The following CLP1 variants were observed in gnomAD, a reference collection of about 807,000 sequenced individuals.
CLP1 encodes the protein polyribonucleotide 5'-hydroxyl-kinase Clp1.
CLP1 carries 18 observed loss-of-function variants against 29.9 expected under a neutral mutation model. The observed-to-expected ratio is 0.60, with a 90% confidence interval of 0.42 to 0.89. CLP1 has a LOEUF of 0.89. Ranked by LOEUF, CLP1 falls within the 40% of genes least tolerant of loss-of-function variation. The pLI is 0.00. For synonymous variants in CLP1, 162 were observed against 206.2 expected (o/e 0.79, Z 1.84); for missense variants, 357 against 544.8 (o/e 0.66, Z 3.43).
rs762571682 is a variant in CLP1, at chr11:57,661,250, C to T, written c.1092C>T (p.His364=). The change falls in exon 3 of 3, where the codon CAC becomes CAT. Residue 364 remains histidine (H), a synonymous_variant. Coordinates refer to ENST00000533682, the MANE Select transcript of CLP1 (RefSeq NM_006831.3). The part of the protein sequence containing the change: ...PVTPGRDMVH[H]LLSVSTAEGT... Reference sequence around the variant, plus strand: ...CTCCTGGGCGAGATATGGTGCACCACCTACTGAGTGTTAGCACTGCCGAGG... The same window carrying T: ...CTCCTGGGCGAGATATGGTGCACCATCTACTGAGTGTTAGCACTGCCGAGG... 1 of 1,614,226 alleles carries T rather than the reference C, an allele frequency of 6.2e-7. No individual in the cohort carries two copies. Among genetic ancestry groups the T allele is most frequent in the Non-Finnish European group, 8.5e-7 (1 of 1,180,040 alleles).
In CLP1 at chr11:57,661,092, T is replaced by C. The variant is rs1565184966; in HGVS notation, c.934T>C (p.Phe312Leu). ...REYFYGFRGC[F>L]YPHAFNVKFS... ...GTATTTTTATGGATTCCGAGGCTGTTTCTATCCCCATGCCTTCAATGTCAA... is the reference window on the plus strand; with the variant it reads ...GTATTTTTATGGATTCCGAGGCTGTCTCTATCCCCATGCCTTCAATGTCAA... The change falls in exon 3 of 3, where the codon TTC becomes CTC. Residue 312 changes from phenylalanine to leucine, a missense_variant. Phe to Leu is a conservative substitution (Grantham distance 22). Transcript: ENST00000533682. 6.2e-7 allele frequency: 1 copy of C among 1,614,248 alleles called. No homozygotes were observed. Among genetic ancestry groups the C allele is most frequent in the Non-Finnish European group, 8.5e-7 (1 of 1,180,046 alleles).
At chr11:57,658,944 T>A (rs1404154764) in intron 1 of CLP1, among the ~76,000 whole-genome samples, 4 of 151,462 alleles carry the variant, frequency 2.6e-5, no homozygotes, top group African/African-American at 9.7e-5. Flanking sequence ...CTGGCCAATA[T>A]TTGCATTTTT....
In CLP1 at chr11:57,661,325, G is replaced by A; in HGVS notation, c.1167G>A (p.Val389=). Residue 389 remains valine, a synonymous_variant, in exon 3 of 3, where the codon GTG becomes GTA. Transcript: ENST00000533682. ...CAAGTGTAGCTGGCTTCATTGTGGTGACCAGTGTGGACCTGGAGCATCAGG... is the reference window on the plus strand; with the variant it reads ...CAAGTGTAGCTGGCTTCATTGTGGTAACCAGTGTGGACCTGGAGCATCAGG... ...SETSVAGFIV[V]TSVDLEHQVF... is the part of the protein sequence containing the mutation. 6.2e-7 allele frequency: 1 copy of A among 1,614,156 alleles called. No individual in the cohort carries two copies. Among genetic ancestry groups the A allele is most frequent in the Non-Finnish European group, 8.5e-7 (1 of 1,180,014 alleles).
Position 57,659,864 on chromosome 11 carries a change from G to A in CLP1, c.388G>A (p.Val130Met). 2.5e-6 allele frequency: 4 copies of A among 1,614,244 alleles called. No individual in the cohort carries two copies. The highest frequency in any genetic ancestry group is 1.7e-5 in the Admixed American group (1 of 60,020). ...VGPTDVGKSTVCRLLLNYAVR... is the reference protein window; with the variant it reads ...VGPTDVGKSTMCRLLLNYAVR... ...CCCCACTGATGTGGGCAAGTCTACA[G>A]TGTGTCGCCTTCTGCTCAACTACGC... The change falls in exon 2 of 3, where the codon GTG becomes ATG. Residue 130 changes from valine to methionine, a missense_variant. Physicochemically the swap from Val to Met is conservative, Grantham distance 21. Coordinates refer to ENST00000533682, the MANE Select transcript of CLP1 (RefSeq NM_006831.3).
chr11:57,660,197 T>C (rs1448264821), intron 2 of CLP1, 115 bp downstream of exon 2: 26 of 1,108,016 alleles, frequency 2.3e-5, no homozygotes, highest in Non-Finnish European at 2.4e-5. Context: ...TGCATTACTT[T>C]AGAAAGGCAA....
rs1236158568 is a variant in CLP1 at position 57,659,722 on chromosome 11, TTA to T, written c.248_249del (p.Tyr83CysfsTer41). The T allele has an allele frequency of 1.2e-6, 2 of 1,614,144 alleles. No homozygotes were observed. Among genetic ancestry groups the T allele is most frequent in the Non-Finnish European group, 1.7e-6 (2 of 1,180,036 alleles). The stretch of plus-strand genomic sequence containing the variant: ...AACTGAGCGGCCGCACTGAGGTGGC[TTA>T]TGTCTCCAAGGACACTCCTATGTTG... ...VQLSGRTEVAYVSKDTPMLLY... is the reference protein window; with the variant it reads ...VQLSGRTEVAXVSKDTPMLLY... On this transcript the variant is annotated frameshift_variant, in exon 2 of 3. Transcript: ENST00000533682. LOFTEE classifies it high-confidence loss of function.
intron 1 of CLP1, among the ~76,000 whole-genome samples, chr11:57,658,413 T>G (rs1945841717): frequency 6.6e-6 from 1 of 152,172 alleles, no homozygotes; most frequent in Non-Finnish European, 1.5e-5. Context: ...ATTAATTCAC[T>G]CAATGTATTG....
Position 57,660,986 on chromosome 11 carries a change from TG to T in CLP1, c.829del (p.Val277CysfsTer48). 1.2e-6 allele frequency: 2 copies of T among 1,614,238 alleles called. No individual in the cohort carries two copies. The highest frequency in any genetic ancestry group is 1.7e-6 in the Non-Finnish European group (2 of 1,180,040). Reference protein sequence around the residue: ...KRDLPHFVRTVLLPKSGGVVE... With the variant: ...KRDLPHFVRTXLLPKSGGVVE... ...GGGACCTCCCCCACTTTGTACGCAC[TG>T]TGCTGCTCCCTAAATCTGGGGGTGT... is the stretch of plus-strand genomic sequence containing the variant. On this transcript the variant is annotated frameshift_variant, in exon 3 of 3. Coordinates refer to ENST00000533682, the MANE Select transcript of CLP1 (RefSeq NM_006831.3). LOFTEE classifies it high-confidence loss of function.
rs775563365 is a variant in CLP1, at chr11:57,660,196, T to TTTC, written c.606+115_606+116insTCT. ...CAGCTGGTATTTCTGCTGCATTACT[T>TTTC]TAGAAAGGCAATTCCAAATATGTCA... On this transcript the variant is annotated intron_variant, in intron 2 of 2. Transcript: ENST00000533682. The TTTC allele has an allele frequency of 3.6e-6, 4 of 1,119,976 alleles. No individual in the cohort carries two copies. The East Asian group carries it at 1.0e-4, about 28-fold the overall frequency. 69.4% of individuals were successfully genotyped at this position (1,119,976 alleles called of 1,614,324 possible).
At chr11:57,658,294 G>A (rs1350269020) in intron 1 of CLP1, among the ~76,000 whole-genome samples, 2 of 152,160 alleles carry the variant, frequency 1.3e-5, no homozygotes, top group African/African-American at 4.8e-5. Flanking sequence ...TTGGGGTCAG[G>A]GCATCTGTTA....
Position 57,660,058 on chromosome 11 carries a change from C to T in CLP1, c.582C>T (p.Gly194=), listed in dbSNP as rs1945860048. 2 of 1,588,080 alleles carry T rather than the reference C, an allele frequency of 1.3e-6. No individual in the cohort carries two copies. Among genetic ancestry groups the T allele is most frequent in the Non-Finnish European group, 1.7e-6 (2 of 1,165,278 alleles). The change falls in exon 2 of 3, where the codon GGC becomes GGT. Residue 194 remains glycine (G), a synonymous_variant. Coordinates refer to ENST00000533682, the MANE Select transcript of CLP1 (RefSeq NM_006831.3). The stretch of plus-strand genomic sequence containing the variant: ...ATCATTTTGGTTCCACCACTCCTGG[C>T]ACTAACATCAAGCTTTATAATAAGG... The part of the protein sequence containing the change: ...LVYHFGSTTP[G]TNIKLYNKIT...
rs757895020 is a variant in CLP1 at position 57,661,563 on chromosome 11, T to A, written c.*127T>A. ...AAACTGTGGACTAGTAGAAAGTTCA[T>A]ATTCTACCTCTAAAAACAGGTAGTG... On this transcript the variant is annotated 3_prime_UTR_variant, in exon 3 of 3. Coordinates refer to ENST00000533682, the MANE Select transcript of CLP1 (RefSeq NM_006831.3). The A allele has an allele frequency of 2.7e-6, 2 of 730,580 alleles. No homozygotes were observed. The highest frequency in any genetic ancestry group is 4.5e-6 in the Non-Finnish European group (2 of 446,618). The allele number at this position is 730,580 out of a possible 1,614,324, so 45.3% of individuals were successfully genotyped here. A position where few individuals can be genotyped will look rare whatever the true frequency, so the allele number is the denominator to read the frequency against.
chr11:57,661,699 A>G lies in CLP1; in HGVS notation c.*263A>G, dbSNP rs934525887. 7 of 442,148 alleles carry G rather than the reference A, an allele frequency of 1.6e-5. No individual in the cohort carries two copies. The highest frequency in any genetic ancestry group is 1.4e-4 in the African/African-American group (7 of 50,822). 27.4% of individuals were successfully genotyped at this position (442,148 alleles called of 1,614,324 possible). ...ATTCTCTAAGACCCTGGAGAATTGC[A>G]TTTCTTTCACTGTGCTACTATGTGG... On this transcript the variant is annotated 3_prime_UTR_variant, in exon 3 of 3. Coordinates refer to ENST00000533682, the MANE Select transcript of CLP1 (RefSeq NM_006831.3).
chr11:57,661,102 A>G lies in CLP1; in HGVS notation c.944A>G (p.His315Arg). 2 of 1,614,178 alleles carry G rather than the reference A, an allele frequency of 1.2e-6. No individual in the cohort carries two copies. Among genetic ancestry groups the G allele is most frequent in the Non-Finnish European group, 1.7e-6 (2 of 1,180,042 alleles). Reference sequence around the variant, plus strand: ...GGATTCCGAGGCTGTTTCTATCCCCATGCCTTCAATGTCAAATTTTCAGAT... The same window carrying G: ...GGATTCCGAGGCTGTTTCTATCCCCGTGCCTTCAATGTCAAATTTTCAGAT... ...FYGFRGCFYP[H>R]AFNVKFSDVK... Residue 315 changes from histidine (H) to arginine (R), a missense_variant, in exon 3 of 3, where the codon CAT becomes CGT. His to Arg is a conservative substitution (Grantham distance 29). Transcript: ENST00000533682.
chr11:57,660,613 C>T, intron 2 of CLP1, 152 bp from the exon 3 acceptor site: 1 of 641,768 alleles, frequency 1.6e-6, no homozygotes, highest in Non-Finnish European at 2.6e-6. Context: ...GAGATCGTGC[C>T]ACTGCACTCC....
intron 1 of CLP1, among the ~76,000 whole-genome samples, chr11:57,658,812 A>G (rs985368874): frequency 6.6e-6 from 1 of 151,736 alleles, no homozygotes; most frequent in Non-Finnish European, 1.5e-5. Context: ...TAATTTTTGT[A>G]TTTTTTAGTA....
In CLP1 at chr11:57,661,011, G is replaced by A. The variant is rs771068295; in HGVS notation, c.853G>A (p.Val285Met). 3.7e-6 allele frequency: 6 copies of A among 1,614,280 alleles called. No individual in the cohort carries two copies. Among genetic ancestry groups the A allele is most frequent in the Non-Finnish European group, 5.1e-6 (6 of 1,180,056 alleles). ...RTVLLPKSGG[V>M]VERSKDFRRE... is the part of the protein sequence containing the mutation. ...TGTGCTGCTCCCTAAATCTGGGGGT[G>A]TGGTGGAGCGCTCCAAGGACTTCCG... The change falls in exon 3 of 3, where the codon GTG becomes ATG. Residue 285 changes from valine to methionine, a missense_variant. Physicochemically the swap from Val to Met is conservative, Grantham distance 21. Coordinates refer to ENST00000533682, the MANE Select transcript of CLP1 (RefSeq NM_006831.3).
intron 2 of CLP1, among the ~76,000 whole-genome samples, chr11:57,660,372 C>G (rs930012089): frequency 6.6e-6 from 1 of 152,122 alleles, no homozygotes; most frequent in Non-Finnish European, 1.5e-5. Context: ...GTCATTTTTT[C>G]AGGCTGGGTA....
intron 1 of CLP1, 26 bp from the exon 2 acceptor site, chr11:57,659,429 G>C (rs530094193): frequency 1.9e-6 from 3 of 1,604,226 alleles, no homozygotes; most frequent in South Asian, 2.2e-5. Context: ...CTTATAATTA[G>C]ATCTGATATT....
Sources: gnomAD v4.1 joint callset for allele counts (sites outside exome capture counted in the v4.1 genomes callset) on GRCh38, gnomAD v4.1.1 for gene constraint, MANE v1.5 for transcripts, NCBI Gene and HGNC (gene_info 2026-07-23, HGNC 2026-07-21) for gene names.